MAZ: variants seen among roughly 807,000 people sequenced by gnomAD.
MAZ encodes the protein myc-associated zinc finger protein.
A neutral mutation model predicts 32.7 loss-of-function variants in MAZ; 4 were observed. The observed-to-expected ratio is 0.12, with a 90% CI of 0.06 to 0.28. The LOEUF is 0.28. Among genes scored for constraint, MAZ ranks in the 10% least tolerant of loss-of-function variants. The probability of loss-of-function intolerance (pLI) is 1.00; values close to 1 mark genes in which losing one functional copy is unlikely to be tolerated. For missense variants in MAZ, 763 were observed against 667.2 expected (o/e 1.14, Z -1.58); for synonymous variants, 510 against 297.6 (o/e 1.71, Z -7.35).
chr16:29,807,578 G>T lies in MAZ; in HGVS notation c.793G>T (p.Val265Leu), dbSNP rs766378276. ...GGAAAVAAGGVVTTTASGKRI... is the reference protein window; with the variant it reads ...GGAAAVAAGGLVTTTASGKRI... ...CGCTGCCGCAGTGGCCGCCGGTGGC[G>T]TGGTGACCACGACCGCCTCGGGGAA... The change falls in exon 2 of 5, where the codon GTG (valine) becomes TTG (leucine). Residue 265 changes from valine (V) to leucine (L), a missense_variant. Coordinates refer to ENST00000322945, the MANE Select transcript of MAZ (RefSeq NM_002383.4). 4.8e-5 allele frequency: 78 copies of T among 1,609,758 alleles called. No individual in the cohort carries two copies. Among genetic ancestry groups the T allele is most frequent in the Non-Finnish European group, 6.0e-5 (71 of 1,178,506 alleles).
intron 3 of MAZ, 29 bp from the exon 4 acceptor site, chr16:29,808,541 C>T (rs1476959991): frequency 3.3e-6 from 5 of 1,523,106 alleles, no homozygotes; most frequent in African/African-American, 2.8e-5. Flanking sequence ...TCTCCTGTGA[C>T]ACCCCCCACG....
chr16:29,807,119 G>C lies in MAZ; in HGVS notation c.334G>C (p.Ala112Pro), dbSNP rs1232932969. The change falls in exon 2 of 5, where the codon GCG becomes CCG. Residue 112 changes from alanine to proline, a missense_variant. Ala to Pro is a conservative substitution (Grantham distance 27). Coordinates refer to ENST00000322945, the MANE Select transcript of MAZ (RefSeq NM_002383.4). ...AAAAAAAVAAAPPAPAAASTV... is the reference protein window; with the variant it reads ...AAAAAAAVAAPPPAPAAASTV... ...CGCCGCTGCTGCCGCCGTCGCTGCC[G>C]CGCCCCCGGCCCCTGCCGCCGCCTC... 1 of 1,017,690 alleles carries C rather than the reference G, an allele frequency of 9.8e-7. No homozygotes were observed. Among genetic ancestry groups the C allele is most frequent in the Non-Finnish European group, 1.2e-6 (1 of 835,934 alleles). 63.0% of individuals were successfully genotyped at this position (1,017,690 alleles called of 1,614,324 possible). A position where few individuals can be genotyped will look rare whatever the true frequency, so the allele number is the denominator to read the frequency against.
chr16:29,809,376 G>A (rs1039276578), intron 4 of MAZ: 1 of 609,054 alleles, frequency 1.6e-6, no homozygotes, highest in Non-Finnish European at 2.9e-6. Flanking sequence ...GGGAGGGGCT[G>A]TGTCTACCAG....
At chr16:29,808,000 C>T (rs1448197474) in intron 2 of MAZ, 172 bp downstream of exon 2, 8 of 1,302,422 alleles carry the variant, frequency 6.1e-6, no homozygotes, top group African/African-American at 5.9e-5. Context: ...AAGGGGTGGT[C>T]CTTTGTCGAG....
rs1174338052 is a variant in MAZ at position 29,807,136 on chromosome 16, C to T, written c.351C>T (p.Ala117=). ...AAVAAAPPAP[A]AASTVDTAAL... is the part of the protein sequence containing the mutation. ...TCGCTGCCGCGCCCCCGGCCCCTGCCGCCGCCTCTACGGTGGACACAGCGG... is the reference window on the plus strand; with the variant it reads ...TCGCTGCCGCGCCCCCGGCCCCTGCTGCCGCCTCTACGGTGGACACAGCGG... The change falls in exon 2 of 5, where the codon GCC becomes GCT. Residue 117 remains alanine, a synonymous_variant. Coordinates refer to ENST00000322945, the MANE Select transcript of MAZ (RefSeq NM_002383.4). 4 of 1,043,414 alleles carry T rather than the reference C, an allele frequency of 3.8e-6. No homozygotes were observed. The highest frequency in any genetic ancestry group is 1.2e-6 in the Non-Finnish European group (1 of 846,426). The allele number at this position is 1,043,414 out of a possible 1,614,324, so 64.6% of individuals were successfully genotyped here. A position where few individuals can be genotyped will look rare whatever the true frequency, so the allele number is the denominator to read the frequency against.
In MAZ at chr16:29,808,416, C is replaced by T. The variant is rs1899681169; in HGVS notation, c.1107+123C>T. 12 of 1,092,382 alleles carry T rather than the reference C, an allele frequency of 1.1e-5. No individual in the cohort carries two copies. The Admixed American group carries it at 2.0e-4, about 18-fold the overall frequency. 67.7% of individuals were successfully genotyped at this position (1,092,382 alleles called of 1,614,324 possible). On this transcript the variant is annotated intron_variant, in intron 3 of 4. Coordinates refer to ENST00000322945, the MANE Select transcript of MAZ (RefSeq NM_002383.4). ...TTTTTGCCTTTTTGCTCCATTTTCT[C>T]ATCCCTTCTTCAAGGCCTCATCATG...
rs1209760626 is a variant in MAZ at position 29,811,082 on chromosome 16, TC to T, written c.*853del. On this transcript the variant is annotated 3_prime_UTR_variant, in exon 5 of 5. Transcript: ENST00000322945. ...TGTGGCCCTGGCCATGTCATCGTGT[TC>T]CTGTGTCCCCTGCATGTACCCCACC... The T allele has an allele frequency of 1.3e-5, 6 of 454,660 alleles. No homozygotes were observed. Among genetic ancestry groups the T allele is most frequent in the Non-Finnish European group, 2.7e-5 (6 of 226,136 alleles). The allele number at this position is 454,660 out of a possible 1,614,324, so 28.2% of individuals were successfully genotyped here.
chr16:29,809,919 CTCTG>C (rs1209670939), intron 4 of MAZ, 154 bp from the exon 5 acceptor site: 27 of 1,274,120 alleles, frequency 2.1e-5, no homozygotes, highest in South Asian at 1.3e-4. Context: ...TTGAGAACTG[CTCTG>C]TCTGGGTGAG....
At chr16:29,808,077 G>A (rs1255369046) in intron 2 of MAZ, 153 bp from the exon 3 acceptor site, 14 of 960,774 alleles carry the variant, frequency 1.5e-5, no homozygotes, top group African/African-American at 3.3e-5. Flanking sequence ...AGCGGCTGCT[G>A]GGCTCCAGGG....
In MAZ at chr16:29,807,989, C is replaced by G. The variant is rs754007157; in HGVS notation, c.1043+161C>G. 4 of 1,331,298 alleles carry G rather than the reference C, an allele frequency of 3.0e-6. No individual in the cohort carries two copies. In the East Asian group the frequency reaches 1.0e-4, roughly 33 times the overall value. 82.5% of individuals were successfully genotyped at this position (1,331,298 alleles called of 1,614,324 possible). A position where few individuals can be genotyped will look rare whatever the true frequency, so the allele number is the denominator to read the frequency against. On this transcript the variant is annotated intron_variant, in intron 2 of 4. Transcript: ENST00000322945. ...GAAGCCTCTCCCGGTTACCAGGGAG[C>G]AAGGGGTGGTCCTTTGTCGAGGAGG...
Position 29,810,637 on chromosome 16 carries a change from C to A in MAZ, c.*406C>A. 1 of 615,144 alleles carries A rather than the reference C, an allele frequency of 1.6e-6. No individual in the cohort carries two copies. The highest frequency in any genetic ancestry group is 2.9e-6 in the Non-Finnish European group (1 of 343,830). The allele number at this position is 615,144 out of a possible 1,614,324, so 38.1% of individuals were successfully genotyped here. A position where few individuals can be genotyped will look rare whatever the true frequency, so the allele number is the denominator to read the frequency against. On this transcript the variant is annotated 3_prime_UTR_variant, in exon 5 of 5. Transcript: ENST00000322945. ...CTCCCCCTGCTGTCTGCAGCCCCTC[C>A]CCGGGGAGTTGGTGCTTTCTTTTCC...
Position 29,810,369 on chromosome 16 carries a change from T to C in MAZ, c.*138T>C, listed in dbSNP as rs965580330. ...CCAGAAGGAAAGGAGGAAGAAATGT[T>C]TTCTTAGGGGAATTCGCTAGGTTTT... On this transcript the variant is annotated 3_prime_UTR_variant, in exon 5 of 5. Transcript: ENST00000322945. 8.7e-6 allele frequency: 8 copies of C among 922,196 alleles called. No homozygotes were observed. The African/African-American group carries it at 1.3e-4, about 15-fold the overall frequency. The allele number at this position is 922,196 out of a possible 1,614,324, so 57.1% of individuals were successfully genotyped here.
rs765563405 is a variant in MAZ, at chr16:29,807,929, C to T, written c.1043+101C>T. On this transcript the variant is annotated intron_variant, in intron 2 of 4. Coordinates refer to ENST00000322945, the MANE Select transcript of MAZ (RefSeq NM_002383.4). ...GCGGGGAGGGAGGCGGCTGCTGAGG[C>T]TGGGGAAGGGGAGCCACTCCCAGGG... 1,103 of 1,517,294 alleles carry T rather than the reference C, an allele frequency of 7.3e-4. 2 individuals are homozygous for T. Among genetic ancestry groups the T allele is most frequent in the Middle Eastern group, 1.2e-3 (7 of 5,780 alleles). 94.0% of individuals were successfully genotyped at this position (1,517,294 alleles called of 1,614,324 possible).
chr16:29,807,142 C>G lies in MAZ; in HGVS notation c.357C>G (p.Ala119=), dbSNP rs1019914856. 1.1e-5 allele frequency: 12 copies of G among 1,055,934 alleles called. No homozygotes were observed. In the Admixed American group the frequency reaches 3.9e-4, roughly 34 times the overall value. 65.4% of individuals were successfully genotyped at this position (1,055,934 alleles called of 1,614,324 possible). ...CCGCGCCCCCGGCCCCTGCCGCCGC[C>G]TCTACGGTGGACACAGCGGCCCTGA... is the stretch of plus-strand genomic sequence containing the variant. ...VAAAPPAPAA[A]STVDTAALKQ... is the part of the protein sequence containing the mutation. Residue 119 remains alanine (A), a synonymous_variant, in exon 2 of 5, where the codon GCC becomes GCG. Coordinates refer to ENST00000322945, the MANE Select transcript of MAZ (RefSeq NM_002383.4).
At chr16:29,808,374 C>G (rs1197428819) in intron 3 of MAZ, 81 bp downstream of exon 3, 11 of 1,397,500 alleles carry the variant, frequency 7.9e-6, no homozygotes, top group Middle Eastern at 1.8e-4. Flanking sequence ...TCTCAGACCC[C>G]CTTTTTCTCT....
In MAZ at chr16:29,807,488, CTCCTGAGCG is replaced by C. The variant is rs1567369177; in HGVS notation, c.705_713del (p.Leu236_Val238del). On this transcript the variant is annotated inframe_deletion, in exon 2 of 5. Coordinates refer to ENST00000322945, the MANE Select transcript of MAZ (RefSeq NM_002383.4). ...GATGCCGACCATGGTGCCCCTGAGC[CTCCTGAGCG>C]TGCCCCAGCTGAGCGGAGCCGGCGG... The C allele has an allele frequency of 1.2e-6, 2 of 1,612,148 alleles. No individual in the cohort carries two copies. Among genetic ancestry groups the C allele is most frequent in the Admixed American group, 3.3e-5 (2 of 59,992 alleles).
rs773815725 is a variant in MAZ, at chr16:29,806,743, C to T, written c.42C>T (p.Phe14=). The T allele has an allele frequency of 3.6e-6, 5 of 1,402,168 alleles. No individual in the cohort carries two copies. The highest frequency in any genetic ancestry group is 4.7e-6 in the Non-Finnish European group (5 of 1,062,838). The allele number at this position is 1,402,168 out of a possible 1,614,324, so 86.9% of individuals were successfully genotyped here. A position where few individuals can be genotyped will look rare whatever the true frequency, so the allele number is the denominator to read the frequency against. Residue 14 remains phenylalanine (F), a synonymous_variant, in exon 1 of 5, where the codon TTC becomes TTT. Transcript: ENST00000322945. ...VFPCTLLAPP[F]PVLGLDSRGV... Reference sequence around the variant, plus strand: ...CTTGCACGCTGCTGGCCCCCCCCTTCCCCGTGCTGGGCCTGGACTCCCGGG... The same window carrying T: ...CTTGCACGCTGCTGGCCCCCCCCTTTCCCGTGCTGGGCCTGGACTCCCGGG...
rs565282629 is a variant in MAZ at position 29,810,102 on chromosome 16, G to A, written c.1305G>A (p.Ala435=). Reference sequence around the variant, plus strand: ...GTACTGGTGAGGTTTGTCCAATGGCGGCGGCAGCGGCAGCGGCGGCAGCGG... The same window carrying A: ...GTACTGGTGAGGTTTGTCCAATGGCAGCGGCAGCGGCAGCGGCGGCAGCGG... The part of the protein sequence containing the change: ...NKGTGEVCPM[A]AAAAAAAAAA... The change falls in exon 5 of 5, where the codon GCG becomes GCA. Residue 435 remains alanine (A), a synonymous_variant. Coordinates refer to ENST00000322945, the MANE Select transcript of MAZ (RefSeq NM_002383.4). 1.2e-5 allele frequency: 18 copies of A among 1,560,562 alleles called. No homozygotes were observed. Among genetic ancestry groups the A allele is most frequent in the Admixed American group, 1.7e-5 (1 of 58,718 alleles).
rs1285052230 is a variant in MAZ, at chr16:29,807,817, G to C, written c.1032G>C (p.Lys344Asn). 6.2e-7 allele frequency: 1 copy of C among 1,607,166 alleles called. No individual in the cohort carries two copies. The highest frequency in any genetic ancestry group is 8.5e-7 in the Non-Finnish European group (1 of 1,179,426). The part of the protein sequence containing the change: ...HKPYNCSHCG[K>N]SFSRPDHLNS... ...CCTACAACTGCTCCCACTGTGGCAA[G>C]AGCTTCTCCCGGTGTGCACGGGGCC... Residue 344 changes from lysine (K) to asparagine (N), a missense_variant, in exon 2 of 5, where the codon AAG (lysine) becomes AAC (asparagine). Coordinates refer to ENST00000322945, the MANE Select transcript of MAZ (RefSeq NM_002383.4).
Sources: allele counts gnomAD v4.1 joint callset, GRCh38; gene constraint gnomAD v4.1.1; transcripts MANE v1.5; gene names NCBI Gene and HGNC (gene_info 2026-07-23, HGNC 2026-07-21).